The following KAT6A variants were observed in gnomAD, a reference collection of about 807,000 sequenced individuals.
KAT6A encodes the protein lysine acetyltransferase 6A, also known as histone acetyltransferase KAT6A.
Under a neutral mutation model 198.4 loss-of-function variants are expected in KAT6A, and 9 were observed. That is an observed-to-expected ratio of 0.05 (90% CI 0.03 to 0.08). KAT6A has a LOEUF of 0.08. Ranked by LOEUF, KAT6A falls within the 10% of genes least tolerant of loss-of-function variation. The pLI is 1.00. For synonymous variants in KAT6A, 890 were observed against 883.0 expected (o/e 1.01, Z -0.14); for missense variants, 2,077 against 2,509.9 (o/e 0.83, Z 3.69).
At chr8:41,992,198 TA>T (rs532312535) in intron 2 of KAT6A, among the ~76,000 whole-genome samples, 20 of 142,686 alleles carry the variant, frequency 1.4e-4, no homozygotes, top group Admixed American at 3.5e-4. Flanking sequence ...AGACTGTCTT[TA>T]AAAAAAAAAG....
rs1187318103 is a variant in KAT6A at position 41,987,451 on chromosome 8, A to G, written c.709+4T>C. 1.3e-6 allele frequency: 2 copies of G among 1,557,944 alleles called. No individual in the cohort carries two copies. Among genetic ancestry groups the G allele is most frequent in the Admixed American group, 1.7e-5 (1 of 58,650 alleles). The stretch of plus-strand genomic sequence containing the variant: ...TAGAAGAAAAACAGAAGGAAATCAC[A>G]TACCACTGTTGCCACAGTCGGCACA... On this transcript the variant is annotated splice_donor_region_variant and intron_variant, in intron 3 of 16. Transcript: ENST00000265713.
At chr8:41,959,930 T>TG (rs1249304551) in intron 8 of KAT6A, among the ~76,000 whole-genome samples, 3 of 149,954 alleles carry the variant, frequency 2.0e-5, no homozygotes, top group Non-Finnish European at 4.4e-5. Context: ...CACTCCAGCC[T>TG]GGGCAACAGT....
In KAT6A at chr8:41,958,871, T is replaced by C. The variant is rs117669248; in HGVS notation, c.1483-3460A>G. ...AGTGGGACTTTATTGCAAAATGAGT[T>C]AGAAAAGGCCGGGCGTGGTGGCTCA... On this transcript the variant is annotated intron_variant, in intron 8 of 16. Coordinates refer to ENST00000265713, the MANE Select transcript of KAT6A (RefSeq NM_006766.5). 4.1e-3 allele frequency among the ~76,000 whole-genome samples: 618 copies of C among 152,184 alleles called. 3 individuals carry two copies. The highest frequency in any genetic ancestry group is 6.7e-3 in the Non-Finnish European group (457 of 67,994).
In KAT6A at chr8:41,978,740, T is replaced by C. The variant is rs776952976; in HGVS notation, c.945A>G (p.Lys315=). Residue 315 remains lysine (K), a synonymous_variant, in exon 6 of 17, where the codon AAA becomes AAG. Coordinates refer to ENST00000265713, the MANE Select transcript of KAT6A (RefSeq NM_006766.5). ...WICQICRPRK[K]GRKLLQKKAA... ...CCTTCTTTTGTAGAAGTTTTCGTCC[T>C]TTTTTCCTAGGTCGACATATTTGAC... The C allele has an allele frequency of 1.9e-5, 30 of 1,612,946 alleles. No individual in the cohort carries two copies. The highest frequency in any genetic ancestry group is 2.5e-5 in the Non-Finnish European group (29 of 1,179,184).
chr8:41,951,056 A>C (rs1822646197), intron 9 of KAT6A, among the ~76,000 whole-genome samples: 1 of 152,150 alleles, frequency 6.6e-6, no homozygotes, highest in Non-Finnish European at 1.5e-5. Context: ...TTGCTCAAGA[A>C]AACATCAGGA....
intron 2 of KAT6A, among the ~76,000 whole-genome samples, chr8:42,007,971 A>C: frequency 6.6e-6 from 1 of 151,310 alleles, no homozygotes; most frequent in East Asian, 1.9e-4. Context: ...CAAAAAAAAA[A>C]AAAAAAAAAA....
chr8:42,016,184 T>C (rs1447960626), intron 2 of KAT6A, among the ~76,000 whole-genome samples: 1 of 152,206 alleles, frequency 6.6e-6, no homozygotes, highest in Non-Finnish European at 1.5e-5. Flanking sequence ...ATTCCACAGT[T>C]CCTTCGCTAT....
chr8:42,019,264 T>C (rs569776554), intron 2 of KAT6A, among the ~76,000 whole-genome samples: 2 of 152,350 alleles, frequency 1.3e-5, no homozygotes, highest in African/African-American at 4.8e-5. Flanking sequence ...TCTTTATTTT[T>C]ATATACAACT....
chr8:42,010,686 T>C (rs1825980732), intron 2 of KAT6A, among the ~76,000 whole-genome samples: 1 of 152,138 alleles, frequency 6.6e-6, no homozygotes, highest in Non-Finnish European at 1.5e-5. Context: ...CTTCCCTTCA[T>C]CTCAAAAGTG....
At chr8:42,024,137 G>A (rs921239676) in intron 2 of KAT6A, among the ~76,000 whole-genome samples, 17 of 152,148 alleles carry the variant, frequency 1.1e-4, no homozygotes, top group Non-Finnish European at 1.8e-4. Context: ...GCAGTAACAG[G>A]TAGTTGCTTA....
intron 1 of KAT6A, among the ~76,000 whole-genome samples, chr8:42,051,214 G>T (rs1286320397): frequency 1.3e-5 from 2 of 151,938 alleles, no homozygotes; most frequent in African/African-American, 2.4e-5. Context: ...TGACAGTCGC[G>T]CACCGGGCCA....
At position 41,933,059 on chromosome 8, in the gene KAT6A, G is replaced by A; in HGVS notation, c.5161C>T (p.Pro1721Ser). 6.4e-7 allele frequency: 1 copy of A among 1,570,848 alleles called. No individual in the cohort carries two copies. Among genetic ancestry groups the A allele is most frequent in the Non-Finnish European group, 8.7e-7 (1 of 1,155,924 alleles). Reference protein sequence around the residue: ...FTPAPMIMEIPESGSTGNISI... With the variant: ...FTPAPMIMEISESGSTGNISI... ...ATGTTCCCAGTGCTTCCAGATTCTG[G>A]TATCTCCATGATCATAGGAGCTGGG... The change falls in exon 17 of 17, where the codon CCA becomes TCA. Residue 1721 changes from proline to serine, a missense_variant. Pro to Ser is a moderately conservative substitution (Grantham distance 74). Transcript: ENST00000265713. This position sits in a 1 kb window ranked among gnomAD's most constrained non-coding sequence, Gnocchi z 6.2.
rs139151187 is a variant in KAT6A at position 41,974,813 on chromosome 8, T to A, written c.1373A>T (p.Asp458Val). The A allele has an allele frequency of 4.4e-6, 7 of 1,607,016 alleles. No homozygotes were observed. Among genetic ancestry groups the A allele is most frequent in the Non-Finnish European group, 6.0e-6 (7 of 1,174,742 alleles). The change falls in exon 8 of 17, where the codon GAT becomes GTT. Residue 458 changes from aspartate to valine, a missense_variant. Around this residue, in one of 13 missense-constraint regions of KAT6A, gnomAD observed 206 missense variants for 214.9 expected, o/e 0.96. Transcript: ENST00000265713. ...STSDWPTDNQ[D>V]GWDGKQENEE... The stretch of plus-strand genomic sequence containing the variant: ...ATTTTCTTGTTTGCCATCCCAGCCA[T>A]CCTGATTGTCTACATATAAAAAAAG...
chr8:41,940,136 G>A lies in KAT6A; in HGVS notation c.3039+706C>T, dbSNP rs561693001. ...AGTGGCTCTTCCAGGGAGCAGCCTC[G>A]CTTCAGTCTGGCTGCCTCCTGGCAA... On this transcript the variant is annotated intron_variant, in intron 15 of 16. Coordinates refer to ENST00000265713, the MANE Select transcript of KAT6A (RefSeq NM_006766.5). Among the ~76,000 whole-genome samples, 8 of 152,298 alleles carry A rather than the reference G, an allele frequency of 5.3e-5. No individual in the cohort carries two copies. In the East Asian group the frequency reaches 1.5e-3, roughly 29 times the overall value.
intron 2 of KAT6A, among the ~76,000 whole-genome samples, chr8:42,029,291 T>C (rs1470476770): frequency 1.3e-5 from 2 of 152,208 alleles, no homozygotes; most frequent in Admixed American, 6.5e-5. Flanking sequence ...TGAAATCTTT[T>C]AGTTTTCTAA....
intron 2 of KAT6A, among the ~76,000 whole-genome samples, chr8:42,022,968 C>T (rs1162206913): frequency 6.6e-6 from 1 of 152,096 alleles, no homozygotes; most frequent in South Asian, 2.1e-4. Flanking sequence ...CATCATTGTG[C>T]AACATCATAA....
At position 41,949,261 on chromosome 8, in the gene KAT6A, G is replaced by C. The variant is rs1227392943; in HGVS notation, c.1701C>G (p.Ala567=). The C allele has an allele frequency of 1.3e-6, 2 of 1,559,440 alleles. No homozygotes were observed. Among genetic ancestry groups the C allele is most frequent in the South Asian group, 2.4e-5 (2 of 82,760 alleles). The change falls in exon 10 of 17, where the codon GCC becomes GCG. Residue 567 remains alanine, a synonymous_variant. Coordinates refer to ENST00000265713, the MANE Select transcript of KAT6A (RefSeq NM_006766.5). The stretch of plus-strand genomic sequence containing the variant: ...TATTATTCTTTCTGTAAATCTCATT[G>C]GCAGGAGGATGGAACCAACCACATT... ...MKKCGWFHPP[A]NEIYRKNNIS...
intron 2 of KAT6A, chr8:42,043,515 G>C (rs1344871740): frequency 6.6e-6 from 1 of 152,102 alleles, no homozygotes; most frequent in Non-Finnish European, 1.5e-5. Flanking sequence ...ATGGACCTCA[G>C]ATATACAAAA....
chr8:41,956,993 A>G (rs566507269), intron 8 of KAT6A: 80 of 517,854 alleles, frequency 1.5e-4, no homozygotes, highest in Non-Finnish European at 2.4e-5. Flanking sequence ...CAGAAACCAG[A>G]TCTAACTTCC....
Sources: allele counts gnomAD v4.1 joint callset (sites outside exome capture counted in the v4.1 genomes callset), GRCh38; gene constraint gnomAD v4.1.1; regional missense constraint gnomAD v4.1.1; non-coding constraint Gnocchi (gnomAD v3.1); transcripts MANE v1.5; gene names NCBI Gene and HGNC (gene_info 2026-07-23, HGNC 2026-07-21).